RPH3AL: variants seen among roughly 807,000 people sequenced by gnomAD.
RPH3AL encodes the protein rabphilin 3A like (without C2 domains), also known as rab effector Noc2.
RPH3AL carries 38 observed loss-of-function variants against 43.1 expected under a neutral mutation model. The ratio of observed to expected loss-of-function variants is 0.88; its 90% CI spans 0.68 to 1.15. The LOEUF is 1.15. RPH3AL is among the 50% of genes most tolerant of loss of function. RPH3AL has a pLI of 0.00. For missense variants in RPH3AL, 462 were observed against 423.2 expected, an observed-to-expected ratio of 1.09 and a Z score of -0.81; for synonymous variants, 189 against 176.3, an observed-to-expected ratio of 1.07 and a Z score of -0.57.
intron 5 of RPH3AL, among the ~76,000 whole-genome samples, chr17:317,506 C>T (rs111367349): frequency 1.3e-5 from 2 of 149,910 alleles, no homozygotes; most frequent in Non-Finnish European, 3.0e-5. Context: ...ACCTGTAGTC[C>T]CTGTGCCCCC....
At chr17:306,908 C>T (rs2043502016) in intron 5 of RPH3AL, among the ~76,000 whole-genome samples, 1 of 152,136 alleles carries the variant, frequency 6.6e-6, no homozygotes, top group Non-Finnish European at 1.5e-5. Flanking sequence ...CCAGCTGCGC[C>T]CGATGCCCCC....
intron 6 of RPH3AL, among the ~76,000 whole-genome samples, chr17:268,428 C>T (rs1401741699): frequency 6.6e-6 from 1 of 151,754 alleles, no homozygotes; most frequent in Non-Finnish European, 1.5e-5. Context: ...GTATATAATG[C>T]ATATAATATA....
chr17:296,604 C>T (rs1000439386), intron 5 of RPH3AL, among the ~76,000 whole-genome samples: 12 of 152,184 alleles, frequency 7.9e-5, no homozygotes, highest in African/African-American at 1.4e-4. Flanking sequence ...CTCACGAGCT[C>T]GTTTCCGCCG....
chr17:214,018 C>T, intron 9 of RPH3AL, 95 bp from the exon 10 acceptor site: 2 of 931,842 alleles, frequency 2.1e-6, no homozygotes, highest in Admixed American at 2.3e-5. Context: ...GATGGAGGAG[C>T]TGGTGGGGAA....
At chr17:348,799 G>A (rs1333702832) in intron 1 of RPH3AL, 1 of 152,138 alleles carries the variant, frequency 6.6e-6, no homozygotes, top group Non-Finnish European at 1.5e-5. Flanking sequence ...CCCTCCCTTG[G>A]GAGTGCAGAA....
chr17:337,104 A>G (rs903930657), intron 1 of RPH3AL, among the ~76,000 whole-genome samples: 1 of 143,424 alleles, frequency 7.0e-6, no homozygotes, highest in African/African-American at 2.6e-5. Flanking sequence ...AACTACGTAC[A>G]TCGGTTACGC....
intron 2 of RPH3AL, among the ~76,000 whole-genome samples, chr17:329,610 C>T (rs2044700792): frequency 6.6e-6 from 1 of 151,954 alleles, no homozygotes; most frequent in Non-Finnish European, 1.5e-5. Flanking sequence ...AATAATAAAC[C>T]CATTAGACGT....
At chr17:266,188 C>T (rs2042315397) in intron 6 of RPH3AL, among the ~76,000 whole-genome samples, 1 of 151,594 alleles carries the variant, frequency 6.6e-6, no homozygotes, top group Non-Finnish European at 1.5e-5. Context: ...AAAGATGACA[C>T]TTTAAGGCCC....
chr17:231,322 G>A (rs73277046), intron 7 of RPH3AL, among the ~76,000 whole-genome samples: 10,243 of 152,256 alleles, frequency 0.067, 379 homozygotes, highest in Non-Finnish European at 0.078. Context: ...TGGGCTGCCT[G>A]CTTTGCCTGG....
intron 5 of RPH3AL, among the ~76,000 whole-genome samples, chr17:295,900 ATGG>A (rs1486136817): frequency 8.0e-6 from 1 of 125,176 alleles, no homozygotes; most frequent in Non-Finnish European, 1.7e-5. Flanking sequence ...GCAGAAATGG[ATGG>A]ACAGAGGGAA....
rs541976741 is a variant in RPH3AL, at chr17:317,606, C to G, written c.351+1814G>C. 1.2e-3 allele frequency among the ~76,000 whole-genome samples: 190 copies of G among 152,346 alleles called. 1 individual carries two copies. Among genetic ancestry groups the G allele is most frequent in the African/African-American group, 4.4e-3 (182 of 41,572 alleles). On this transcript the variant is annotated intron_variant, in intron 5 of 9. Coordinates refer to ENST00000331302, the MANE Select transcript of RPH3AL (RefSeq NM_006987.4). Reference sequence around the variant, plus strand: ...AGGCTGAAGGAGGAGCCCGCACAGTCTTACACCCAGGCCCCCATCTCCCCT... The same window carrying G: ...AGGCTGAAGGAGGAGCCCGCACAGTGTTACACCCAGGCCCCCATCTCCCCT...
intron 5 of RPH3AL, among the ~76,000 whole-genome samples, chr17:307,070 C>T (rs990570281): frequency 6.6e-6 from 1 of 151,914 alleles, no homozygotes; most frequent in African/African-American, 2.4e-5. Context: ...TGCCGCAGCT[C>T]ACCCATGGCA....
Position 281,811 on chromosome 17 carries a change from T to G in RPH3AL, c.395A>C (p.Lys132Thr), listed in dbSNP as rs779708764. The change falls in exon 6 of 10, where the codon AAG becomes ACG. Residue 132 changes from lysine (K) to threonine (T), a missense_variant. By Grantham distance (78) the Lys-to-Thr change is moderately conservative (BLOSUM62 -1). Transcript: ENST00000331302. ...GATCTTACACAGCCACAGGGGCCGC[T>G]TCTGGCCAGGGGAGGCCTCGATCCC... is the stretch of plus-strand genomic sequence containing the variant. ...KCGIEASPGQKRPLWLCKICS... is the reference protein window; with the variant it reads ...KCGIEASPGQTRPLWLCKICS... 4 of 1,614,004 alleles carry G rather than the reference T, an allele frequency of 2.5e-6. No individual in the cohort carries two copies. In the African/African-American group the frequency reaches 5.3e-5, roughly 22 times the overall value.
At chr17:241,055 CAATAATAATAATAATAA>C (rs1455297454) in intron 7 of RPH3AL, among the ~76,000 whole-genome samples, 1 of 143,556 alleles carries the variant, frequency 7.0e-6, no homozygotes, top group Non-Finnish European at 1.5e-5. Context: ...GACTCCATCT[CAATAATAATAATAATAA>C]TAATAATAAT....
At chr17:260,517 C>A (rs2042173406) in intron 6 of RPH3AL, among the ~76,000 whole-genome samples, 1 of 152,194 alleles carries the variant, frequency 6.6e-6, no homozygotes, top group South Asian at 2.1e-4. Context: ...GGAGACCTCG[C>A]CTTCAAGGGA....
chr17:241,629 C>G (rs1193521847), intron 7 of RPH3AL, among the ~76,000 whole-genome samples: 8 of 151,932 alleles, frequency 5.3e-5, no homozygotes, highest in African/African-American at 1.9e-4. Context: ...AAAAAAACCC[C>G]ACCCCTTTAT....
chr17:266,642 TG>T (rs1334654811), intron 6 of RPH3AL, among the ~76,000 whole-genome samples: 9 of 152,200 alleles, frequency 5.9e-5, no homozygotes, highest in Admixed American at 2.0e-4. Flanking sequence ...TCATTCCAAG[TG>T]GGTTTTTGAG....
rs1598133366 is a variant in RPH3AL at position 323,914 on chromosome 17, G to A, written c.78-2499C>T. ...AGGCCCAGACCCTTACAGTCACCCG[G>A]TGAGGTGGGCCCAGACCCTCAGTCA... On this transcript the variant is annotated intron_variant, in intron 3 of 9. Coordinates refer to ENST00000331302, the MANE Select transcript of RPH3AL (RefSeq NM_006987.4). This position sits in a 1 kb window ranked among gnomAD's most constrained non-coding sequence, Gnocchi z 4.4. 2.0e-5 allele frequency among the ~76,000 whole-genome samples: 3 copies of A among 150,344 alleles called. No homozygotes were observed. The highest frequency in any genetic ancestry group is 4.9e-5 in the African/African-American group (2 of 40,810).
rs151210133 is a variant in RPH3AL at position 247,165 on chromosome 17, G to A, written c.559C>T (p.Arg187Ter). The change falls in exon 7 of 10, where the codon CGA (arginine) becomes TGA (stop). Residue 187 changes from arginine (R) to a stop codon, truncating the protein, a stop_gained. Transcript: ENST00000331302. LOFTEE classifies it high-confidence loss of function. ...FRPLPTEPAE[R>*]EPRSSETSRI... ...CTGGTCTCAGAGCTTCTGGGCTCTCGCTCTGCCGGTTCCGTGGGCAAAGGT... is the reference window on the plus strand; with the variant it reads ...CTGGTCTCAGAGCTTCTGGGCTCTCACTCTGCCGGTTCCGTGGGCAAAGGT... The A allele has an allele frequency of 1.2e-5, 19 of 1,613,962 alleles. No individual in the cohort carries two copies. In the East Asian group the frequency reaches 1.3e-4, roughly 11 times the overall value.
Sources: allele counts gnomAD v4.1 joint callset (sites outside exome capture counted in the v4.1 genomes callset), GRCh38; gene constraint gnomAD v4.1.1; non-coding constraint Gnocchi (gnomAD v3.1); transcripts MANE v1.5; gene names NCBI Gene and HGNC (gene_info 2026-07-23, HGNC 2026-07-21).